The following MYO18B variants were observed in gnomAD, a reference collection of about 807,000 sequenced individuals.
MYO18B encodes myosin XVIIIB.
MYO18B carries 204 observed loss-of-function variants against 273.0 expected under a neutral mutation model. The observed-to-expected ratio is 0.75, with a 90% CI of 0.67 to 0.84. The LOEUF is 0.84. Ranked by LOEUF, MYO18B falls within the 40% of genes least tolerant of loss-of-function variation. The pLI, the probability that MYO18B is intolerant of heterozygous loss-of-function variation, is 0.00. For synonymous variants in MYO18B, 1,330 were observed against 1,305.7 expected, an observed-to-expected ratio of 1.02 and a Z score of -0.40; for missense variants, 3,212 against 3,287.6, an observed-to-expected ratio of 0.98 and a Z score of 0.56.
At chr22:26,051,215 C>T in the MYO18B span, among the ~76,000 whole-genome samples, 1 of 139,988 alleles carries the variant, frequency 7.1e-6, no homozygotes, top group African/African-American at 2.8e-5. Flanking sequence ...ATAATTGGTC[C>T]CTTTTTTTTT....
the MYO18B span, among the ~76,000 whole-genome samples, chr22:26,047,418 G>T: frequency 1.3e-5 from 2 of 152,036 alleles, no homozygotes; most frequent in Admixed American, 1.3e-4. Flanking sequence ...GAGCCACCGC[G>T]CCCAGCCAGT....
intron 12 of MYO18B, among the ~76,000 whole-genome samples, chr22:25,811,254 C>T (rs912571590): frequency 1.3e-5 from 2 of 151,846 alleles, no homozygotes; most frequent in African/African-American, 4.8e-5. Context: ...AACTCCTGAC[C>T]TCAGGTAATC....
At chr22:25,820,830 C>G (rs2089249341) in intron 12 of MYO18B, among the ~76,000 whole-genome samples, 1 of 152,148 alleles carries the variant, frequency 6.6e-6, no homozygotes. Context: ...CGCCCACTTA[C>G]CTCCCCACAA....
intron 20 of MYO18B, among the ~76,000 whole-genome samples, chr22:25,849,112 C>T (rs1268568437): frequency 3.9e-5 from 6 of 152,224 alleles, no homozygotes; most frequent in Non-Finnish European, 7.3e-5. Flanking sequence ...CACACTTAAT[C>T]GATTCTATTT....
At chr22:26,001,765 G>A (rs1933973540) in intron 40 of MYO18B, among the ~76,000 whole-genome samples, 1 of 152,220 alleles carries the variant, frequency 6.6e-6, no homozygotes, top group Non-Finnish European at 1.5e-5. Flanking sequence ...GAGGGAATGG[G>A]TCTCTAGTGC....
chr22:25,902,542 C>T (rs1033791517), intron 29 of MYO18B, 71 bp from the exon 30 acceptor site: 12 of 1,524,698 alleles, frequency 7.9e-6, no homozygotes, highest in East Asian at 2.4e-5. Context: ...GCAGCCCCTC[C>T]CTGCCCCTGC....
chr22:25,875,630 C>G (rs1234454160), intron 23 of MYO18B, among the ~76,000 whole-genome samples: 3 of 152,212 alleles, frequency 2.0e-5, no homozygotes, highest in Non-Finnish European at 4.4e-5. Context: ...CCCAGAGTGG[C>G]TGAATCAGCA....
At chr22:25,969,106 A>T (rs949412459) in intron 39 of MYO18B, among the ~76,000 whole-genome samples, 1 of 152,160 alleles carries the variant, frequency 6.6e-6, no homozygotes, top group Non-Finnish European at 1.5e-5. Context: ...GGGCAACAAC[A>T]TTCCCATAGA....
chr22:25,834,992 A>G (rs1045002377), intron 16 of MYO18B, among the ~76,000 whole-genome samples: 1 of 152,168 alleles, frequency 6.6e-6, no homozygotes. Flanking sequence ...TGGCCCTCCA[A>G]GGAAGGTATT....
At chr22:25,934,209 C>G in intron 34 of MYO18B, among the ~76,000 whole-genome samples, 1 of 151,298 alleles carries the variant, frequency 6.6e-6, no homozygotes, top group East Asian at 1.9e-4. Flanking sequence ...AAGCTCTTTG[C>G]TACATATGTC....
rs113027771 is a variant in MYO18B at position 25,772,262 on chromosome 22, G to C, written c.1693-72G>C. ...GAGGGCTTAGTGTGTGTTTGGTTGC[G>C]GGGGGGTGGGGTGGGGGCAGGGGGC... On this transcript the variant is annotated intron_variant, in intron 6 of 43. Coordinates refer to ENST00000335473, the MANE Select transcript of MYO18B (RefSeq NM_032608.7). The C allele has an allele frequency of 2.0e-5, 29 of 1,429,992 alleles. No individual in the cohort carries two copies. In the East Asian group the frequency reaches 2.3e-4, roughly 11 times the overall value. 88.6% of individuals were successfully genotyped at this position (1,429,992 alleles called of 1,614,324 possible).
downstream of MYO18B, among the ~76,000 whole-genome samples, chr22:26,035,094 T>C (rs1936753182): frequency 1.3e-5 from 2 of 152,208 alleles, no homozygotes; most frequent in African/African-American, 4.8e-5. Context: ...GTCTGCATGA[T>C]ATTTTGCCAA....
At chr22:25,972,522 C>G (rs1330668438) in intron 39 of MYO18B, among the ~76,000 whole-genome samples, 1 of 152,214 alleles carries the variant, frequency 6.6e-6, no homozygotes, top group Non-Finnish European at 1.5e-5. Flanking sequence ...TCAGGCTCAG[C>G]CCCACACCTT....
the MYO18B span, among the ~76,000 whole-genome samples, chr22:26,053,048 C>T: frequency 2.0e-5 from 3 of 152,020 alleles, no homozygotes; most frequent in Non-Finnish European, 4.4e-5. Flanking sequence ...ACCTCGTGAT[C>T]CACCCGCCTC....
At chr22:25,780,820 C>T (rs2087117347) in intron 9 of MYO18B, among the ~76,000 whole-genome samples, 2 of 151,986 alleles carry the variant, frequency 1.3e-5, no homozygotes, top group South Asian at 4.2e-4. Context: ...CTGTCATTAG[C>T]CGGGTCTTAA....
chr22:25,919,605 C>T (rs2092311358), intron 33 of MYO18B, among the ~76,000 whole-genome samples: 1 of 151,956 alleles, frequency 6.6e-6, no homozygotes, highest in African/African-American at 2.4e-5. Flanking sequence ...GAGTTAAATG[C>T]AATAACGTGA....
At position 25,772,481 on chromosome 22, in the gene MYO18B, C is replaced by G. The variant is rs190314042; in HGVS notation, c.1840C>G (p.Arg614Gly). The G allele has an allele frequency of 2.5e-6, 4 of 1,613,758 alleles. No individual in the cohort carries two copies. The African/African-American group carries it at 4.0e-5, about 16-fold the overall frequency. The stretch of plus-strand genomic sequence containing the variant: ...GCCTGATCTGATTGTCCTCCAGCCC[C>G]GGGGGCCCTCGGTGCCTTCTGCAGG... ...TGPDLIVLQP[R>G]GPSVPSAGKV... The change falls in exon 7 of 44, where the codon CGG becomes GGG. Residue 614 changes from arginine to glycine, a missense_variant. Transcript: ENST00000335473.
rs544050546 is a variant in MYO18B, at chr22:25,772,390, C to T, written c.1749C>T (p.Asn583=). Residue 583 remains asparagine, a synonymous_variant, in exon 7 of 44, where the codon AAC becomes AAT. Coordinates refer to ENST00000335473, the MANE Select transcript of MYO18B (RefSeq NM_032608.7). ...VEDLASLISV[N]ESSVLNTLLQ... ...ACCTGGCCTCTCTCATCAGTGTCAA[C>T]GAATCCAGTGTCCTGAACACGCTTC... 1.2e-5 allele frequency: 20 copies of T among 1,613,878 alleles called. No homozygotes were observed. Among genetic ancestry groups the T allele is most frequent in the South Asian group, 5.5e-5 (5 of 91,084 alleles).
In MYO18B at chr22:25,957,682, G is replaced by T. The variant is rs893391912; in HGVS notation, c.6156+2318G>T. ...CACTCCCTCTGAAGGCTCTGGAAGAGCATCCTTCCTTGCCTCTTCCAGCTT... is the reference window on the plus strand; with the variant it reads ...CACTCCCTCTGAAGGCTCTGGAAGATCATCCTTCCTTGCCTCTTCCAGCTT... On this transcript the variant is annotated intron_variant, in intron 39 of 43. Transcript: ENST00000335473. 3.3e-5 allele frequency among the ~76,000 whole-genome samples: 5 copies of T among 152,292 alleles called. 1 individual carries two copies. The highest frequency in any genetic ancestry group is 2.6e-4 in the Admixed American group (4 of 15,302).
Sources: allele counts gnomAD v4.1 joint callset (sites outside exome capture counted in the v4.1 genomes callset), GRCh38; gene constraint gnomAD v4.1.1; transcripts MANE v1.5; gene names NCBI Gene and HGNC (gene_info 2026-07-23, HGNC 2026-07-21).